The following AOPEP variants were observed in gnomAD, a reference collection of about 807,000 sequenced individuals.
AOPEP encodes aminopeptidase O.
In AOPEP, 77 loss-of-function variants were observed where a neutral mutation model predicts 98.1. The ratio of observed to expected loss-of-function variants is 0.78; its 90% confidence interval spans 0.65 to 0.95. The LOEUF is 0.95. AOPEP is among the 40% of genes least tolerant of loss of function. AOPEP has a pLI of 0.00. For synonymous variants in AOPEP, 346 were observed against 365.3 expected (o/e 0.95, Z 0.60); for missense variants, 1,024 against 1,024.7 (o/e 1.00, Z 0.01).
At chr9:94,985,418 A>G (rs889631860) in intron 11 of AOPEP, among the ~76,000 whole-genome samples, 1 of 152,248 alleles carries the variant, frequency 6.6e-6, no homozygotes, top group Non-Finnish European at 1.5e-5. Flanking sequence ...AGGAGGCTTT[A>G]TGTCACTGTA....
chr9:95,134,706 A>G, the AOPEP span, among the ~76,000 whole-genome samples: 1 of 152,234 alleles, frequency 6.6e-6, no homozygotes, highest in Non-Finnish European at 1.5e-5. Flanking sequence ...CCACAAAGGA[A>G]TATGACTGGC....
chr9:94,751,726 T>C (rs1218276544), intron 1 of AOPEP, among the ~76,000 whole-genome samples: 1 of 151,902 alleles, frequency 6.6e-6, no homozygotes, highest in Non-Finnish European at 1.5e-5. Flanking sequence ...CAATGAAGAA[T>C]ACCCTACATG....
the AOPEP span, among the ~76,000 whole-genome samples, chr9:95,092,626 T>G: frequency 1.3e-5 from 2 of 152,242 alleles, no homozygotes; most frequent in African/African-American, 4.8e-5. Context: ...TTGTGGAATC[T>G]GTCCGCCACT....
At chr9:94,788,949 G>C (rs1319768341) in intron 3 of AOPEP, among the ~76,000 whole-genome samples, 1 of 152,210 alleles carries the variant, frequency 6.6e-6, no homozygotes, top group Non-Finnish European at 1.5e-5. Flanking sequence ...CAGGGCTGGG[G>C]AGACCATCTG....
At chr9:94,914,928 T>TA (rs909939090) in intron 5 of AOPEP, among the ~76,000 whole-genome samples, 7 of 152,210 alleles carry the variant, frequency 4.6e-5, no homozygotes, top group African/African-American at 1.4e-4. Flanking sequence ...TCATGGAACA[T>TA]ACACCAAAAA....
intron 14 of AOPEP, among the ~76,000 whole-genome samples, chr9:95,070,693 T>C (rs949014902): frequency 1.3e-5 from 2 of 152,216 alleles, no homozygotes; most frequent in Admixed American, 1.3e-4. Flanking sequence ...TGTAAATAAA[T>C]ACATCAGACT....
intron 3 of AOPEP, among the ~76,000 whole-genome samples, chr9:94,789,447 T>G (rs927059610): frequency 6.6e-6 from 1 of 151,906 alleles, no homozygotes; most frequent in Non-Finnish European, 1.5e-5. Flanking sequence ...AGAAAATGTG[T>G]TTTTTTTAGG....
intron 14 of AOPEP, among the ~76,000 whole-genome samples, chr9:95,080,132 T>C (rs1477662728): frequency 3.9e-5 from 6 of 152,224 alleles, no homozygotes; most frequent in African/African-American, 1.4e-4. Flanking sequence ...GTATCTGTCA[T>C]CTTGCAAAAT....
the AOPEP span, among the ~76,000 whole-genome samples, chr9:95,105,050 A>G: frequency 6.6e-6 from 1 of 152,220 alleles, no homozygotes. Flanking sequence ...TCTCGAAAGC[A>G]TTCTCGCTGT....
chr9:95,104,993 G>A, the AOPEP span, among the ~76,000 whole-genome samples: 1 of 152,352 alleles, frequency 6.6e-6, no homozygotes, highest in Non-Finnish European at 1.5e-5. Context: ...CCTCTAGGTT[G>A]GGCCGCATTG....
intron 5 of AOPEP, among the ~76,000 whole-genome samples, chr9:94,879,662 C>T (rs536538439): frequency 6.6e-6 from 1 of 152,200 alleles, no homozygotes; most frequent in Non-Finnish European, 1.5e-5. Flanking sequence ...CAAACTATTA[C>T]AAAAACTGAT....
chr9:95,078,036 T>A (rs1385758609), intron 14 of AOPEP, among the ~76,000 whole-genome samples: 1 of 152,182 alleles, frequency 6.6e-6, no homozygotes, highest in Non-Finnish European at 1.5e-5. Flanking sequence ...TTATCTTCTC[T>A]TGATGGGGTG....
chr9:95,070,929 G>T (rs1342024723), intron 14 of AOPEP, among the ~76,000 whole-genome samples: 1 of 152,210 alleles, frequency 6.6e-6, no homozygotes, highest in Non-Finnish European at 1.5e-5. Context: ...TGTACCCTCT[G>T]TCTGCTGGCT....
At chr9:95,132,316 T>C in the AOPEP span, among the ~76,000 whole-genome samples, 1 of 152,200 alleles carries the variant, frequency 6.6e-6, no homozygotes, top group Non-Finnish European at 1.5e-5. Context: ...ACAAACAAAA[T>C]TGTAACTGGA....
At chr9:94,976,408 C>G (rs533027278) in intron 10 of AOPEP, among the ~76,000 whole-genome samples, 1 of 152,274 alleles carries the variant, frequency 6.6e-6, no homozygotes, top group African/African-American at 2.4e-5. Flanking sequence ...CATATTCACT[C>G]CCCCATGCTG....
intron 5 of AOPEP, among the ~76,000 whole-genome samples, chr9:94,843,966 C>T (rs892275327): frequency 1.3e-5 from 2 of 152,294 alleles, no homozygotes; most frequent in East Asian, 3.9e-4. Flanking sequence ...ATTACTTCAT[C>T]TGACTATATC....
chr9:94,860,635 A>G (rs1040104333), intron 5 of AOPEP, among the ~76,000 whole-genome samples: 1 of 152,156 alleles, frequency 6.6e-6, no homozygotes, highest in Non-Finnish European at 1.5e-5. Context: ...TGAGAGTTTT[A>G]TATGGGGAGA....
the AOPEP span, chr9:95,127,369 G>A: frequency 1.3e-5 from 2 of 152,204 alleles, no homozygotes; most frequent in South Asian, 4.2e-4. Context: ...TAACTTTCTC[G>A]GCACCAGGTA....
At chr9:95,008,528 A>G (rs2062221166) in intron 13 of AOPEP, among the ~76,000 whole-genome samples, 1 of 152,218 alleles carries the variant, frequency 6.6e-6, no homozygotes, top group Non-Finnish European at 1.5e-5. Context: ...GCACAGTCTG[A>G]TGTAACCTGA....
Sources: allele counts gnomAD v4.1 joint callset (sites outside exome capture counted in the v4.1 genomes callset), GRCh38; gene constraint gnomAD v4.1.1; transcripts MANE v1.5; gene names NCBI Gene and HGNC (gene_info 2026-07-23, HGNC 2026-07-21).